The following RDH12 variants were observed in gnomAD, a reference collection of about 807,000 sequenced individuals.
RDH12 encodes retinol dehydrogenase 12.
A neutral mutation model predicts 34.0 loss-of-function variants in RDH12; 21 were observed. The ratio of observed to expected loss-of-function variants is 0.62; its 90% CI spans 0.44 to 0.89. The LOEUF (loss-of-function observed/expected upper bound fraction) is 0.89. Ranked by LOEUF, RDH12 falls within the 40% of genes least tolerant of loss-of-function variation. RDH12 has a pLI of 0.00. For missense variants in RDH12, 394 were observed against 398.6 expected, an observed-to-expected ratio of 0.99 and a Z score of 0.10; for synonymous variants, 198 against 169.9, an observed-to-expected ratio of 1.17 and a Z score of -1.29.
intron 1 of RDH12, among the ~76,000 whole-genome samples, chr14:67,706,847 G>A (rs12893900): frequency 0.13 from 19,216 of 152,152 alleles, 1,478 homozygotes; most frequent in South Asian, 0.33. Context: ...ATCTCTCTTG[G>A]TTAGGATGGT....
chr14:67,713,275 A>G (rs1000621590), intron 1 of RDH12, among the ~76,000 whole-genome samples: 3 of 151,612 alleles, frequency 2.0e-5, no homozygotes, highest in Non-Finnish European at 4.4e-5. Flanking sequence ...CAAAAAACAA[A>G]ACAAAAAAAA....
At chr14:67,711,048 T>C (rs1455757480) in intron 1 of RDH12, among the ~76,000 whole-genome samples, 1 of 152,208 alleles carries the variant, frequency 6.6e-6, no homozygotes. Context: ...TTCCTGGGCA[T>C]AGGCCAAACA....
intron 8 of RDH12, among the ~76,000 whole-genome samples, chr14:67,732,692 T>A (rs2140159911): frequency 6.6e-6 from 1 of 152,310 alleles, no homozygotes; most frequent in East Asian, 1.9e-4. Flanking sequence ...TTCTCCTGCA[T>A]CAGCCTCCCA....
Position 67,701,892 on chromosome 14 carries a change from A to C in RDH12, c.-318A>C, listed in dbSNP as rs186279810. 1 of 152,282 alleles carries C rather than the reference A, an allele frequency of 6.6e-6. No individual in the cohort carries two copies. Among genetic ancestry groups the C allele is most frequent in the African/African-American group, 2.4e-5 (1 of 41,558 alleles). 9.4% of individuals were successfully genotyped at this position (152,282 alleles called of 1,614,324 possible). A position where few individuals can be genotyped will look rare whatever the true frequency, so the allele number is the denominator to read the frequency against. On this transcript the variant is annotated 5_prime_UTR_variant, in exon 1 of 9. Transcript: ENST00000551171. ...CATCGTAACCTCAACTCCTGGGCAC[A>C]AGCAATCCTCCCTTCTCAGCTTCCT...
At chr14:67,710,674 T>C (rs1219803753) in intron 1 of RDH12, among the ~76,000 whole-genome samples, 3 of 152,028 alleles carry the variant, frequency 2.0e-5, no homozygotes, top group Non-Finnish European at 4.4e-5. Context: ...ACATGATCTT[T>C]AAATAAGCTT....
At position 67,725,068 on chromosome 14, in the gene RDH12, A is replaced by G. The variant is rs73276671; in HGVS notation, c.188-31A>G. 5,046 of 1,613,630 alleles carry G rather than the reference A, an allele frequency of 3.1e-3. 161 individuals are homozygous for G. The African/African-American group carries it at 0.059, about 19-fold the overall frequency. On this transcript the variant is annotated intron_variant, in intron 4 of 8. Coordinates refer to ENST00000551171, the MANE Select transcript of RDH12 (RefSeq NM_152443.3). ...ACCTCCTTTATAGCCTAGGATATGA[A>G]CATACTGCTCTTTTTTTGTCTTGGA...
intron 1 of RDH12, among the ~76,000 whole-genome samples, chr14:67,720,545 G>C (rs1174043626): frequency 6.6e-6 from 1 of 152,166 alleles, no homozygotes; most frequent in Non-Finnish European, 1.5e-5. Flanking sequence ...TGGATACCTA[G>C]GTGCCACAAT....
chr14:67,723,789 G>A (rs542610456), intron 3 of RDH12, among the ~76,000 whole-genome samples: 74 of 152,346 alleles, frequency 4.9e-4, no homozygotes, highest in African/African-American at 1.7e-3. Flanking sequence ...TGTTAGTTCT[G>A]CCCCTCCGTA....
chr14:67,724,647 T>C, intron 4 of RDH12, 56 bp downstream of exon 4: 1 of 1,305,150 alleles, frequency 7.7e-7, no homozygotes. Context: ...TTCTTCCCAC[T>C]GGGGCCTCTG....
chr14:67,706,892 A>G (rs2037956248), intron 1 of RDH12, among the ~76,000 whole-genome samples: 2 of 152,198 alleles, frequency 1.3e-5, no homozygotes, highest in Non-Finnish European at 2.9e-5. Flanking sequence ...AGTTATTAGC[A>G]AAGCTCATTT....
chr14:67,729,222 A>AGGCACTGCGTCCGCTCTGAGCT lies in RDH12; in HGVS notation c.693_694insACTGCGTCCGCTCTGAGCTGGC (p.Val232ThrfsTer12). The AGGCACTGCGTCCGCTCTGAGCT allele has an allele frequency of 6.2e-7, 1 of 1,612,094 alleles. No homozygotes were observed. Among genetic ancestry groups the AGGCACTGCGTCCGCTCTGAGCT allele is most frequent in the South Asian group, 1.1e-5 (1 of 91,048 alleles). The stretch of plus-strand genomic sequence containing the variant: ...GGGTCACCACCTACGCAGTGCACCC[A>AGGCACTGCGTCCGCTCTGAGCT]GGCGTCGTCCGCTCTGAGCTGGTCC... On this transcript the variant is annotated frameshift_variant, in exon 8 of 9. Transcript: ENST00000551171. LOFTEE classifies it high-confidence loss of function.
chr14:67,729,541 A>G, intron 8 of RDH12, 161 bp downstream of exon 8: 1 of 717,694 alleles, frequency 1.4e-6, no homozygotes, highest in Non-Finnish European at 2.5e-6. Context: ...AAGGAAACTT[A>G]CAGTACAAAC....
intron 1 of RDH12, among the ~76,000 whole-genome samples, chr14:67,712,073 C>A (rs2038014662): frequency 6.6e-6 from 1 of 152,122 alleles, no homozygotes. Flanking sequence ...ACATGTGCCA[C>A]CACACCCAGC....
rs755916691 is a variant in RDH12 at position 67,727,006 on chromosome 14, C to G, written c.474C>G (p.Leu158=). 5.0e-6 allele frequency: 8 copies of G among 1,612,956 alleles called. No individual in the cohort carries two copies. Among genetic ancestry groups the G allele is most frequent in the East Asian group, 2.2e-5 (1 of 44,898 alleles). ...GCCACTTCCTCCTCACCTACCTGCT[C>G]CTGGAGCGGCTAAAGGTGTCTGCCC... ...HLGHFLLTYL[L]LERLKVSAPA... is the part of the protein sequence containing the mutation. Residue 158 remains leucine (L), a synonymous_variant, in exon 7 of 9, where the codon CTC becomes CTG. Coordinates refer to ENST00000551171, the MANE Select transcript of RDH12 (RefSeq NM_152443.3).
At chr14:67,724,101 A>G (rs2038156219) in intron 3 of RDH12, among the ~76,000 whole-genome samples, 2 of 149,268 alleles carry the variant, frequency 1.3e-5, no homozygotes, top group Non-Finnish European at 3.0e-5. Flanking sequence ...AATGTTTATC[A>G]TGCATATGTT....
intron 8 of RDH12, among the ~76,000 whole-genome samples, chr14:67,730,369 G>A (rs1029654676): frequency 6.6e-6 from 1 of 152,126 alleles, no homozygotes; most frequent in Non-Finnish European, 1.5e-5. Context: ...CACTGTAAGT[G>A]TACAGTGCAT....
chr14:67,707,107 T>G (rs2037959184), intron 1 of RDH12, among the ~76,000 whole-genome samples: 1 of 152,210 alleles, frequency 6.6e-6, no homozygotes. Flanking sequence ...GTTGTCTAGC[T>G]TCAGTTTGCA....
intron 7 of RDH12, chr14:67,727,957 A>T (rs1044772896): frequency 6.6e-6 from 1 of 152,262 alleles, no homozygotes; most frequent in East Asian, 1.9e-4. Flanking sequence ...TTAGGGCTGG[A>T]TTTCAGACCC....
intron 8 of RDH12, among the ~76,000 whole-genome samples, chr14:67,732,536 CAAA>C (rs11408156): frequency 1.5e-5 from 2 of 130,126 alleles, no homozygotes; most frequent in African/African-American, 3.0e-5. Flanking sequence ...CCAAACAAAG[CAAA>C]AAAAAAAAAA....
Sources: gnomAD v4.1 joint callset for allele counts (sites outside exome capture counted in the v4.1 genomes callset) on GRCh38, gnomAD v4.1.1 for gene constraint, MANE v1.5 for transcripts, NCBI Gene and HGNC (gene_info 2026-07-23, HGNC 2026-07-21) for gene names.